COBL: variants seen among roughly 807,000 people sequenced by gnomAD.
COBL encodes the protein cordon-bleu WH2 repeat protein.
Under a neutral mutation model 98.8 loss-of-function variants are expected in COBL, and 51 were observed. The ratio of observed to expected loss-of-function variants is 0.52; its 90% CI spans 0.41 to 0.65. The LOEUF (loss-of-function observed/expected upper bound fraction) is 0.65. COBL is among the 30% of genes least tolerant of loss of function. COBL has a pLI of 0.00. For missense variants in COBL, 1,617 were observed against 1,617.5 expected, an observed-to-expected ratio of 1.00 and a Z score of 0.01; for synonymous variants, 634 against 651.7, an observed-to-expected ratio of 0.97 and a Z score of 0.41.
intron 5 of COBL, among the ~76,000 whole-genome samples, chr7:51,141,385 A>G (rs907077820): frequency 6.6e-6 from 1 of 152,194 alleles, no homozygotes; most frequent in Non-Finnish European, 1.5e-5. Context: ...AGATCCTCTT[A>G]GAAGGACATG....
rs375788304 is a variant in COBL at position 51,028,985 on chromosome 7, C to G, written c.2111G>C (p.Gly704Ala). The G allele has an allele frequency of 2.5e-6, 4 of 1,614,164 alleles. No individual in the cohort carries two copies. Among genetic ancestry groups the G allele is most frequent in the African/African-American group, 2.7e-5 (2 of 75,030 alleles). ...NPGKSYRLKHGLTTYKIIPPK... is the reference protein window; with the variant it reads ...NPGKSYRLKHALTTYKIIPPK... ...AGGAATGATTTTATACGTTGTGAGG[C>G]CGTGCTTAAGTCTGTAGCTTTTCCC... is the stretch of plus-strand genomic sequence containing the variant. Residue 704 changes from glycine to alanine, a missense_variant, in exon 10 of 13, where the codon GGC becomes GCC. Physicochemically the swap from Gly to Ala is moderately conservative, Grantham distance 60 (BLOSUM62 0). Transcript: ENST00000265136.
At chr7:51,278,441 G>T (rs977922325) in intron 1 of COBL, among the ~76,000 whole-genome samples, 2 of 149,428 alleles carry the variant, frequency 1.3e-5, no homozygotes, top group Non-Finnish European at 3.0e-5. Context: ...GTGCAATGGC[G>T]CGATCTCGGC....
intron 1 of COBL, among the ~76,000 whole-genome samples, chr7:51,226,918 C>G (rs1374767663): frequency 6.6e-6 from 1 of 152,170 alleles, no homozygotes; most frequent in Admixed American, 6.5e-5. Flanking sequence ...AGTATCCAAC[C>G]AGTTAAGTAA....
chr7:51,031,176 T>A (rs1788108102), intron 8 of COBL: 1 of 403,104 alleles, frequency 2.5e-6, no homozygotes, highest in South Asian at 5.1e-5. Context: ...GGACATGTGA[T>A]ATATGGTGTG....
At chr7:51,190,244 C>G (rs573168711) in intron 4 of COBL, among the ~76,000 whole-genome samples, 3 of 152,224 alleles carry the variant, frequency 2.0e-5, no homozygotes, top group African/African-American at 7.2e-5. Flanking sequence ...GGGTCTCACT[C>G]TGTCACCTAG....
At chr7:51,196,174 C>T (rs1388489209) in intron 2 of COBL, among the ~76,000 whole-genome samples, 2 of 152,144 alleles carry the variant, frequency 1.3e-5, no homozygotes, top group African/African-American at 2.4e-5. Context: ...TATATTCCTT[C>T]AATACCTAGT....
At chr7:51,232,945 A>ACCAGAGACAAG (rs1301548394) in intron 1 of COBL, among the ~76,000 whole-genome samples, 4 of 152,248 alleles carry the variant, frequency 2.6e-5, no homozygotes, top group African/African-American at 9.6e-5. Flanking sequence ...GCTGTGTGTT[A>ACCAGAGACAAG]GTTTAATGAT....
intron 6 of COBL, among the ~76,000 whole-genome samples, chr7:51,118,895 T>C (rs1797514350): frequency 6.6e-6 from 1 of 152,204 alleles, no homozygotes; most frequent in African/African-American, 2.4e-5. Context: ...GAGCACAGTA[T>C]CTGCAAATCG....
chr7:51,029,385 C>T lies in COBL; in HGVS notation c.1711G>A (p.Gly571Ser), dbSNP rs1787934501. The T allele has an allele frequency of 1.2e-6, 2 of 1,611,826 alleles. No homozygotes were observed. The highest frequency in any genetic ancestry group is 1.7e-6 in the Non-Finnish European group (2 of 1,178,480). Residue 571 changes from glycine (G) to serine (S), a missense_variant, in exon 10 of 13, where the codon GGT becomes AGT. By Grantham distance (56) the Gly-to-Ser change is moderately conservative. Coordinates refer to ENST00000265136, the MANE Select transcript of COBL (RefSeq NM_015198.5). Reference sequence around the variant, plus strand: ...AGGGAGTCTCTCCTGCTGGCAACACCCTCCGAGTCGAAAGACCCAGCATTG... The same window carrying T: ...AGGGAGTCTCTCCTGCTGGCAACACTCTCCGAGTCGAAAGACCCAGCATTG... ...NNNAGSFDSEGVASRRDSLAP... is the reference protein window; with the variant it reads ...NNNAGSFDSESVASRRDSLAP...
At chr7:51,062,277 C>CTCTT (rs1274123339) in intron 7 of COBL, among the ~76,000 whole-genome samples, 1 of 151,908 alleles carries the variant, frequency 6.6e-6, no homozygotes, top group African/African-American at 2.4e-5. Context: ...GTCTCTCTCT[C>CTCTT]TCTCTCTCTC....
intron 1 of COBL, among the ~76,000 whole-genome samples, chr7:51,289,239 T>A (rs1800669843): frequency 6.6e-6 from 1 of 152,254 alleles, no homozygotes; most frequent in Admixed American, 6.5e-5. Context: ...ATCATTTGAT[T>A]ATTTTGCAAG....
chr7:51,253,231 A>C (rs1014580281), intron 1 of COBL, among the ~76,000 whole-genome samples: 6 of 152,174 alleles, frequency 3.9e-5, no homozygotes, highest in African/African-American at 1.4e-4. Flanking sequence ...AAAATAATAA[A>C]TAAATAAATA....
intron 5 of COBL, among the ~76,000 whole-genome samples, chr7:51,146,301 C>T (rs778012510): frequency 1.4e-4 from 22 of 152,192 alleles, no homozygotes; most frequent in African/African-American, 4.8e-4. Context: ...AATTAATCAG[C>T]CCCTCCTTGG....
intron 7 of COBL, among the ~76,000 whole-genome samples, chr7:51,077,723 C>T (rs556791862): frequency 2.6e-4 from 39 of 152,302 alleles, no homozygotes; most frequent in African/African-American, 8.7e-4. Context: ...AGTTCCTGAA[C>T]GCTGAATAGG....
At chr7:51,026,188 C>G (rs1326856420) in intron 11 of COBL, among the ~76,000 whole-genome samples, 2 of 152,212 alleles carry the variant, frequency 1.3e-5, no homozygotes, top group African/African-American at 4.8e-5. Flanking sequence ...CAACTTTTTT[C>G]CAGGTGTGCA....
chr7:51,022,134 G>A (rs529419364), intron 12 of COBL, among the ~76,000 whole-genome samples: 3 of 152,298 alleles, frequency 2.0e-5, no homozygotes, highest in South Asian at 2.1e-4. Context: ...AGACTGAGGG[G>A]AACGTGGTTT....
chr7:51,091,091 G>A (rs557253908), intron 6 of COBL, among the ~76,000 whole-genome samples: 1 of 152,242 alleles, frequency 6.6e-6, no homozygotes, highest in South Asian at 2.1e-4. Context: ...TGGAAGAGGT[G>A]GCTATTTTGT....
chr7:51,029,743 A>T (rs894398876), intron 9 of COBL, 152 bp from the exon 10 acceptor site: 22 of 640,604 alleles, frequency 3.4e-5, no homozygotes, highest in African/African-American at 1.1e-4. Context: ...TCTACATAAT[A>T]TGCCTGGGGC....
At chr7:51,189,684 A>C (rs546555913) in intron 4 of COBL, among the ~76,000 whole-genome samples, 2 of 132,334 alleles carry the variant, frequency 1.5e-5, no homozygotes, top group East Asian at 3.9e-4. Flanking sequence ...AAAAATTAGA[A>C]AAAAAAGTCA....
Sources: allele counts gnomAD v4.1 joint callset (sites outside exome capture counted in the v4.1 genomes callset), GRCh38; gene constraint gnomAD v4.1.1; transcripts MANE v1.5; gene names NCBI Gene and HGNC (gene_info 2026-07-23, HGNC 2026-07-21).